The following RTTN variants were observed in gnomAD, a reference collection of about 807,000 sequenced individuals.
The protein encoded by RTTN is rotatin.
In RTTN, 182 loss-of-function variants were observed where a neutral mutation model predicts 269.2. The observed-to-expected ratio is 0.68, with a 90% CI of 0.60 to 0.76. RTTN has a LOEUF of 0.76. Among genes scored for constraint, RTTN ranks in the 30% least tolerant of loss-of-function variants. The probability of loss-of-function intolerance (pLI) is 0.00; values close to 1 mark genes in which losing one functional copy is unlikely to be tolerated. For missense variants in RTTN, 2,545 were observed against 2,608.6 expected (o/e 0.98, Z 0.53); for synonymous variants, 1,006 against 963.5 (o/e 1.04, Z -0.82).
At chr18:70,068,366 A>G (rs535377191) in intron 34 of RTTN, among the ~76,000 whole-genome samples, 1 of 152,368 alleles carries the variant, frequency 6.6e-6, no homozygotes, top group South Asian at 2.1e-4. Context: ...GAAAAGGACC[A>G]CAAGTTAAGG....
At chr18:70,027,429 C>A (rs372231332) in intron 43 of RTTN, among the ~76,000 whole-genome samples, 1 of 152,126 alleles carries the variant, frequency 6.6e-6, no homozygotes, top group East Asian at 1.9e-4. Flanking sequence ...CTTAGAAATA[C>A]AGAAATGCTT....
At chr18:70,012,265 T>C (rs2056403435) in intron 46 of RTTN, among the ~76,000 whole-genome samples, 1 of 150,062 alleles carries the variant, frequency 6.7e-6, no homozygotes, top group Admixed American at 6.6e-5. Flanking sequence ...TGGTACTGGT[T>C]AGAGGGCAGC....
intron 8 of RTTN, among the ~76,000 whole-genome samples, chr18:70,191,561 T>C (rs1016514066): frequency 6.6e-6 from 1 of 152,154 alleles, no homozygotes; most frequent in Non-Finnish European, 1.5e-5. Flanking sequence ...AAACGGAACA[T>C]CCCATTGTCC....
chr18:70,167,061 T>C (rs757392614), intron 12 of RTTN, 30 bp from the exon 13 acceptor site: 4 of 1,436,092 alleles, frequency 2.8e-6, no homozygotes, highest in Non-Finnish European at 3.9e-6. Context: ...GAACAATAAA[T>C]GTCAAGTTCA....
chr18:70,126,032 T>C (rs1332032201), intron 25 of RTTN, among the ~76,000 whole-genome samples: 4 of 152,134 alleles, frequency 2.6e-5, no homozygotes, highest in Admixed American at 2.6e-4. Context: ...ACAAGATGAA[T>C]ATTATATATG....
intron 28 of RTTN, among the ~76,000 whole-genome samples, chr18:70,099,261 T>G (rs904817130): frequency 7.2e-5 from 11 of 152,198 alleles, no homozygotes; most frequent in African/African-American, 2.4e-4. Context: ...ACCTGTTGTT[T>G]CCTGACATTT....
At chr18:70,067,745 T>A (rs1002098835) in intron 34 of RTTN, among the ~76,000 whole-genome samples, 1 of 152,194 alleles carries the variant, frequency 6.6e-6, no homozygotes, top group Non-Finnish European at 1.5e-5. Context: ...TTATTACTGA[T>A]ATAAATAGAA....
At position 70,168,965 on chromosome 18, in the gene RTTN, C is replaced by A. The variant is rs1408631205; in HGVS notation, c.1579G>T (p.Ala527Ser). The A allele has an allele frequency of 1.9e-6, 3 of 1,612,972 alleles. No individual in the cohort carries two copies. Among genetic ancestry groups the A allele is most frequent in the Non-Finnish European group, 2.5e-6 (3 of 1,179,606 alleles). The change falls in exon 12 of 49, where the codon GCC becomes TCC. Residue 527 changes from alanine (A) to serine (S), a missense_variant. Ala to Ser is a moderately conservative substitution (Grantham distance 99, BLOSUM62 1). Coordinates refer to ENST00000640769, the MANE Select transcript of RTTN (RefSeq NM_173630.4). ...TCAGAATTCAGCTGTTCCAAATAGG[C>A]CACAACAGCTTCATGAATATTTGGA... is the stretch of plus-strand genomic sequence containing the variant. ...EYPNIHEAVV[A>S]YLEQLNSENY...
At chr18:70,165,383 G>T (rs919118750) in intron 14 of RTTN, among the ~76,000 whole-genome samples, 2 of 151,728 alleles carry the variant, frequency 1.3e-5, no homozygotes, top group African/African-American at 4.8e-5. Flanking sequence ...TGTAAGAGTG[G>T]CTAGGCTATG....
At chr18:70,124,039 G>A in intron 25 of RTTN, among the ~76,000 whole-genome samples, 1 of 151,720 alleles carries the variant, frequency 6.6e-6, no homozygotes, top group East Asian at 1.9e-4. Context: ...ATGAACAAAT[G>A]AGAAGTCTGG....
At chr18:70,070,943 T>C (rs1347076755) in intron 34 of RTTN, among the ~76,000 whole-genome samples, 1 of 152,178 alleles carries the variant, frequency 6.6e-6, no homozygotes, top group Non-Finnish European at 1.5e-5. Context: ...GGGATAATAT[T>C]GTAAAGCCCA....
Position 70,168,851 on chromosome 18 carries a change from T to A in RTTN, c.1689+4A>T. The A allele has an allele frequency of 6.3e-7, 1 of 1,594,140 alleles. No individual in the cohort carries two copies. Among genetic ancestry groups the A allele is most frequent in the Non-Finnish European group, 8.5e-7 (1 of 1,171,546 alleles). Reference sequence around the variant, plus strand: ...TTAAAAGAGATATTAAAAAAGCTTTTTACCTCTTTCCCAATATCAGACAGG... The same window carrying A: ...TTAAAAGAGATATTAAAAAAGCTTTATACCTCTTTCCCAATATCAGACAGG... On this transcript the variant is annotated splice_donor_region_variant and intron_variant, in intron 12 of 48. Coordinates refer to ENST00000640769, the MANE Select transcript of RTTN (RefSeq NM_173630.4).
chr18:70,014,382 C>G (rs1480622143), intron 46 of RTTN, among the ~76,000 whole-genome samples: 1 of 152,178 alleles, frequency 6.6e-6, no homozygotes, highest in Non-Finnish European at 1.5e-5. Context: ...AAAGTCTGGG[C>G]AGATAAGCTG....
intron 25 of RTTN, among the ~76,000 whole-genome samples, chr18:70,124,528 A>G (rs947532151): frequency 1.4e-4 from 21 of 152,230 alleles, no homozygotes; most frequent in African/African-American, 3.8e-4. Flanking sequence ...CAAGGAGTTA[A>G]CTATGTAAAA....
chr18:70,124,922 A>G (rs1409480258), intron 25 of RTTN, among the ~76,000 whole-genome samples: 1 of 152,096 alleles, frequency 6.6e-6, no homozygotes, highest in East Asian at 1.9e-4. Context: ...GGCATTAAAC[A>G]TGCAAACTCA....
intron 34 of RTTN, among the ~76,000 whole-genome samples, chr18:70,071,326 T>C (rs1439437839): frequency 6.6e-6 from 1 of 152,202 alleles, no homozygotes; most frequent in East Asian, 1.9e-4. Context: ...AGATCACATA[T>C]TTCACAAAGA....
At chr18:70,041,775 A>C (rs2057347253) in intron 40 of RTTN, among the ~76,000 whole-genome samples, 1 of 152,158 alleles carries the variant, frequency 6.6e-6, no homozygotes, top group East Asian at 1.9e-4. Flanking sequence ...TGAAGGATTA[A>C]GTGAAATTGT....
intron 26 of RTTN, 98 bp from the exon 27 acceptor site, chr18:70,114,697 T>A: frequency 1.0e-6 from 1 of 999,884 alleles, no homozygotes; most frequent in Non-Finnish European, 1.4e-6. Context: ...GTAAGAGCTA[T>A]ATTACCTAAC....
intron 23 of RTTN, chr18:70,131,840 T>A (rs981716437): frequency 6.6e-6 from 1 of 151,552 alleles, no homozygotes; most frequent in African/African-American, 2.4e-5. Context: ...ATAATCTGTA[T>A]CCAAAAATAT....
Sources: gnomAD v4.1 joint callset for allele counts (sites outside exome capture counted in the v4.1 genomes callset) on GRCh38, gnomAD v4.1.1 for gene constraint, MANE v1.5 for transcripts, NCBI Gene and HGNC (gene_info 2026-07-23, HGNC 2026-07-21) for gene names.